The following TMEM232 variants were observed in gnomAD, a reference collection of about 807,000 sequenced individuals.
The protein encoded by TMEM232 is transmembrane protein 232.
In TMEM232, 80 loss-of-function variants were observed where a neutral mutation model predicts 78.8. The observed-to-expected ratio is 1.01, with a 90% CI of 0.85 to 1.22. The LOEUF is 1.22. Ranked by LOEUF, TMEM232 falls within the 50% of genes most tolerant of loss-of-function variation. The pLI is 0.00. For missense variants in TMEM232, 881 were observed against 742.2 expected (o/e 1.19, Z -2.17); for synonymous variants, 297 against 254.3 (o/e 1.17, Z -1.60).
At chr5:110,657,913 G>GA (rs1248257188) in intron 2 of TMEM232, among the ~76,000 whole-genome samples, 2 of 152,006 alleles carry the variant, frequency 1.3e-5, no homozygotes, top group Non-Finnish European at 2.9e-5. Flanking sequence ...TTGGTACTAT[G>GA]AAAAGGAAAA....
chr5:110,413,848 T>G (rs573972352), intron 2 of TMEM232, among the ~76,000 whole-genome samples: 27 of 152,300 alleles, frequency 1.8e-4, no homozygotes, highest in African/African-American at 6.5e-4. Flanking sequence ...GGAATTATTA[T>G]TCTAAAGGGA....
At position 110,518,759 on chromosome 5, in the gene TMEM232, C is replaced by T. The variant is rs541158584; in HGVS notation, c.1703+9829G>A. On this transcript the variant is annotated intron_variant, in intron 12 of 13. Transcript: ENST00000455884. Reference sequence around the variant, plus strand: ...AAGTTTGCCTTTTGGCAGCAACACTCATATGATTTTGGAACTTAAATAATG... The same window carrying T: ...AAGTTTGCCTTTTGGCAGCAACACTTATATGATTTTGGAACTTAAATAATG... 9.9e-5 allele frequency among the ~76,000 whole-genome samples: 15 copies of T among 152,272 alleles called. No individual in the cohort carries two copies. In the East Asian group the frequency reaches 1.2e-3, roughly 12 times the overall value.
At chr5:110,473,593 T>TA (rs144757553) in intron 12 of TMEM232, among the ~76,000 whole-genome samples, 20 of 147,600 alleles carry the variant, frequency 1.4e-4, no homozygotes, top group East Asian at 3.9e-4. Flanking sequence ...ATTAAAAAAT[T>TA]AAAAAAAAAA....
Position 110,586,093 on chromosome 5 carries a change from T to G in TMEM232, c.1277-17468A>C, listed in dbSNP as rs1289780524. On this transcript the variant is annotated intron_variant, in intron 10 of 13. Transcript: ENST00000455884. ...TACAGGTCAAGTTAAGATTTAAAAT[T>G]GGTCCATTTATGGCCATCTAGCAAG... 2.6e-5 allele frequency among the ~76,000 whole-genome samples: 4 copies of G among 152,158 alleles called. No homozygotes were observed. The East Asian group carries it at 7.7e-4, about 29-fold the overall frequency.
downstream of TMEM232, among the ~76,000 whole-genome samples, chr5:110,417,292 A>ATCTT (rs1561464989): frequency 6.6e-6 from 1 of 152,200 alleles, no homozygotes; most frequent in East Asian, 1.9e-4. Context: ...GACATGTAGA[A>ATCTT]TCTTTCTCTT....
intron 10 of TMEM232, among the ~76,000 whole-genome samples, chr5:110,601,022 T>A (rs1780814120): frequency 6.6e-6 from 1 of 152,164 alleles, no homozygotes; most frequent in Admixed American, 6.6e-5. Flanking sequence ...TCAATAAACA[T>A]AATCCATCAT....
intron 11 of TMEM232, among the ~76,000 whole-genome samples, chr5:110,561,387 G>A (rs920547433): frequency 6.6e-6 from 1 of 151,624 alleles, no homozygotes; most frequent in African/African-American, 2.4e-5. Context: ...GTGTGTGTGT[G>A]TATATGTGTG....
intron 12 of TMEM232, among the ~76,000 whole-genome samples, chr5:110,517,133 T>C (rs188776209): frequency 6.6e-6 from 1 of 152,310 alleles, no homozygotes; most frequent in East Asian, 1.9e-4. Flanking sequence ...ATCGGTGATG[T>C]GGTACTATGA....
rs556857020 is a variant in TMEM232, at chr5:110,575,003, A to C, written c.1277-6378T>G. Among the ~76,000 whole-genome samples the C allele has an allele frequency of 2.0e-5, 3 of 152,110 alleles. 1 individual carries two copies. The South Asian group carries it at 6.2e-4, about 32-fold the overall frequency. Reference sequence around the variant, plus strand: ...CTCCCAAACTTGCAGCTGGTGTCAAAAGAGAGGGTAGTCATGAGGACTCTT... The same window carrying C: ...CTCCCAAACTTGCAGCTGGTGTCAACAGAGAGGGTAGTCATGAGGACTCTT... On this transcript the variant is annotated intron_variant, in intron 10 of 13. Coordinates refer to ENST00000455884, the MANE Select transcript of TMEM232 (RefSeq NM_001039763.4).
chr5:110,394,348 A>G (rs1469353775), intron 3 of TMEM232, among the ~76,000 whole-genome samples: 1 of 152,214 alleles, frequency 6.6e-6, no homozygotes, highest in African/African-American at 2.4e-5. Flanking sequence ...TTATGAAATC[A>G]TCTGTTGTTG....
chr5:110,419,537 T>A lies in TMEM232; in HGVS notation c.*1043A>T, dbSNP rs181686641. On this transcript the variant is annotated 3_prime_UTR_variant, in exon 14 of 14. Transcript: ENST00000455884. Reference sequence around the variant, plus strand: ...CTTTTATTTTGAAAAATAATCCCATTTAAAAGCTTCTTGAAAGGCTGGATG... The same window carrying A: ...CTTTTATTTTGAAAAATAATCCCATATAAAAGCTTCTTGAAAGGCTGGATG... Among the ~76,000 whole-genome samples the A allele has an allele frequency of 6.6e-6, 1 of 152,244 alleles. No homozygotes were observed. Among genetic ancestry groups the A allele is most frequent in the Non-Finnish European group, 1.5e-5 (1 of 67,962 alleles).
At chr5:110,458,821 T>A (rs1183335966) in intron 12 of TMEM232, among the ~76,000 whole-genome samples, 2 of 152,200 alleles carry the variant, frequency 1.3e-5, no homozygotes. Flanking sequence ...ATAATGAGTT[T>A]ATTGTTTTTG....
At chr5:110,565,245 ATATTT>A (rs1776205878) in intron 11 of TMEM232, among the ~76,000 whole-genome samples, 1 of 151,946 alleles carries the variant, frequency 6.6e-6, no homozygotes, top group Admixed American at 6.6e-5. Flanking sequence ...TTATCTCAGT[ATATTT>A]TATTTATTTA....
chr5:110,583,859 G>C (rs866910224), intron 10 of TMEM232, among the ~76,000 whole-genome samples: 1 of 149,922 alleles, frequency 6.7e-6, no homozygotes, highest in Non-Finnish European at 1.5e-5. Context: ...AAACATAGAA[G>C]TAGCCAAATG....
At chr5:110,477,615 C>T (rs1173808913) in intron 12 of TMEM232, among the ~76,000 whole-genome samples, 10 of 151,700 alleles carry the variant, frequency 6.6e-5, no homozygotes, top group Non-Finnish European at 1.5e-4. Flanking sequence ...TCTCTTAAGC[C>T]TCCATCTATT....
intron 11 of TMEM232, among the ~76,000 whole-genome samples, chr5:110,564,722 C>G (rs1397299255): frequency 6.6e-6 from 1 of 151,920 alleles, no homozygotes; most frequent in Non-Finnish European, 1.5e-5. Flanking sequence ...AGAACAATTA[C>G]TCTTCCCAAA....
chr5:110,561,558 T>G (rs1775749965), intron 11 of TMEM232, among the ~76,000 whole-genome samples: 1 of 152,122 alleles, frequency 6.6e-6, no homozygotes, highest in African/African-American at 2.4e-5. Flanking sequence ...ATATTCATAT[T>G]GAAGAATATA....
intron 5 of TMEM232, among the ~76,000 whole-genome samples, chr5:110,629,496 T>C (rs184696364): frequency 4.6e-5 from 7 of 152,286 alleles, no homozygotes; most frequent in African/African-American, 1.7e-4. Flanking sequence ...TTGTTCTTCA[T>C]GTATTATTTG....
chr5:110,610,543 A>C (rs1433739621), intron 8 of TMEM232: 1 of 456,330 alleles, frequency 2.2e-6, no homozygotes, highest in Admixed American at 2.4e-5. Flanking sequence ...ATTTGTGCAG[A>C]GCTTCTCAAA....
Sources: allele counts gnomAD v4.1 joint callset (sites outside exome capture counted in the v4.1 genomes callset), GRCh38; gene constraint gnomAD v4.1.1; transcripts MANE v1.5; gene names NCBI Gene and HGNC (gene_info 2026-07-23, HGNC 2026-07-21).